The following SHROOM3 variants were observed in gnomAD, a reference collection of about 807,000 sequenced individuals.
SHROOM3 encodes the protein shroom family member 3.
In SHROOM3, 47 loss-of-function variants were observed where a neutral mutation model predicts 138.6. That is an observed-to-expected ratio of 0.34 (90% CI 0.27 to 0.43). SHROOM3 has a LOEUF of 0.43. Among genes scored for constraint, SHROOM3 ranks in the 20% least tolerant of loss-of-function variants. The probability of loss-of-function intolerance (pLI) is 1.00; values close to 1 mark genes in which losing one functional copy is unlikely to be tolerated. For missense variants in SHROOM3, 2,491 were observed against 2,596.5 expected (o/e 0.96, Z 0.88); for synonymous variants, 1,062 against 1,063.3 (o/e 1.00, Z 0.02).
intron 2 of SHROOM3, among the ~76,000 whole-genome samples, chr4:76,605,183 T>G (rs1446824952): frequency 6.6e-6 from 1 of 152,216 alleles, no homozygotes; most frequent in Non-Finnish European, 1.5e-5. Flanking sequence ...CAGCCCTATT[T>G]CATGATGACT....
intron 1 of SHROOM3, among the ~76,000 whole-genome samples, chr4:76,529,740 G>A (rs1188109102): frequency 1.3e-5 from 2 of 151,004 alleles, no homozygotes; most frequent in South Asian, 2.1e-4. Context: ...GAGCTACCCC[G>A]ACTTATTCTC....
At chr4:76,623,094 C>T (rs1010001048) in intron 2 of SHROOM3, among the ~76,000 whole-genome samples, 6 of 152,192 alleles carry the variant, frequency 3.9e-5, no homozygotes, top group African/African-American at 1.2e-4. Context: ...CTCCTTATAA[C>T]ACATTTCATG....
intron 2 of SHROOM3, among the ~76,000 whole-genome samples, chr4:76,578,061 A>T (rs1733975272): frequency 6.6e-6 from 1 of 152,194 alleles, no homozygotes; most frequent in African/African-American, 2.4e-5. Context: ...TAGATTCTAA[A>T]TTAAATAAGG....
chr4:76,510,267 G>T (rs1732307290), intron 1 of SHROOM3, among the ~76,000 whole-genome samples: 1 of 152,094 alleles, frequency 6.6e-6, no homozygotes, highest in African/African-American at 2.4e-5. Context: ...ATTAAAAAAG[G>T]CTGAAAGGAA....
At chr4:76,482,405 A>G (rs777512132) in intron 1 of SHROOM3, among the ~76,000 whole-genome samples, 11 of 152,184 alleles carry the variant, frequency 7.2e-5, no homozygotes, top group African/African-American at 1.2e-4. Context: ...CCCATTCACA[A>G]TTGCTACAAA....
intron 2 of SHROOM3, among the ~76,000 whole-genome samples, chr4:76,686,510 G>C (rs1024102090): frequency 6.6e-6 from 1 of 152,016 alleles, no homozygotes; most frequent in African/African-American, 2.4e-5. Flanking sequence ...TTTAAATTAA[G>C]ATGAAATAAT....
chr4:76,518,805 T>C (rs536887097), intron 1 of SHROOM3, among the ~76,000 whole-genome samples: 1 of 152,302 alleles, frequency 6.6e-6, no homozygotes, highest in East Asian at 1.9e-4. Context: ...AGGGCTGTAT[T>C]AAAATTCTTT....
intron 1 of SHROOM3, among the ~76,000 whole-genome samples, chr4:76,513,416 T>C (rs555099704): frequency 1.4e-4 from 21 of 152,136 alleles, no homozygotes; most frequent in African/African-American, 4.8e-4. Context: ...CAGGTTTAAG[T>C]GATTCTCATG....
At chr4:76,601,159 C>G (rs1302873249) in intron 2 of SHROOM3, among the ~76,000 whole-genome samples, 1 of 152,160 alleles carries the variant, frequency 6.6e-6, no homozygotes, top group Non-Finnish European at 1.5e-5. Flanking sequence ...AATTTGGTGA[C>G]AGTTAAAAAT....
intron 2 of SHROOM3, chr4:76,586,432 G>A (rs770391643): frequency 2.5e-5 from 25 of 985,480 alleles, no homozygotes; most frequent in Non-Finnish European, 2.9e-5. Flanking sequence ...ACAGATAACT[G>A]AGGACAATGG....
intron 1 of SHROOM3, among the ~76,000 whole-genome samples, chr4:76,551,530 G>T (rs1168899005): frequency 3.3e-5 from 5 of 152,190 alleles, no homozygotes; most frequent in African/African-American, 7.2e-5. Flanking sequence ...GACCACAGTA[G>T]TGGCTGTTCA....
intron 2 of SHROOM3, chr4:76,688,904 T>C: frequency 1.0e-6 from 1 of 984,264 alleles, no homozygotes; most frequent in South Asian, 4.7e-5. Flanking sequence ...TGCTGTGACT[T>C]ACACTGAGAA....
chr4:76,773,375 A>C (rs1282046046), intron 10 of SHROOM3, among the ~76,000 whole-genome samples: 1 of 112,592 alleles, frequency 8.9e-6, no homozygotes, highest in Non-Finnish European at 2.0e-5. Context: ...CTGTCTCAGA[A>C]AAAAAAAAAA....
intron 2 of SHROOM3, among the ~76,000 whole-genome samples, chr4:76,620,088 A>G (rs1734968434): frequency 6.6e-6 from 1 of 151,200 alleles, no homozygotes; most frequent in East Asian, 1.9e-4. Flanking sequence ...AAAAAAAAAA[A>G]AAAAAGAAGA....
At chr4:76,576,423 C>T (rs1733941822) in intron 2 of SHROOM3, among the ~76,000 whole-genome samples, 2 of 152,104 alleles carry the variant, frequency 1.3e-5, no homozygotes, top group Admixed American at 6.6e-5. Flanking sequence ...TGCATATTCT[C>T]ACTTGTTTGT....
At chr4:76,684,054 A>G (rs1021522072) in intron 2 of SHROOM3, among the ~76,000 whole-genome samples, 2 of 152,224 alleles carry the variant, frequency 1.3e-5, no homozygotes, top group Non-Finnish European at 2.9e-5. Flanking sequence ...TCACTAGATA[A>G]TGTGGACATC....
At chr4:76,637,113 C>T (rs552287472) in intron 2 of SHROOM3, among the ~76,000 whole-genome samples, 44 of 152,274 alleles carry the variant, frequency 2.9e-4, no homozygotes, top group African/African-American at 1.0e-3. Context: ...TAACTGAGGA[C>T]TTACTGTAAT....
At chr4:76,718,988 C>A (rs748441182) in intron 3 of SHROOM3, among the ~76,000 whole-genome samples, 1 of 152,150 alleles carries the variant, frequency 6.6e-6, no homozygotes, top group Non-Finnish European at 1.5e-5. Flanking sequence ...TAGCCTTCTC[C>A]GGGCACTCAG....
chr4:76,591,807 A>G (rs1308967555), intron 2 of SHROOM3, among the ~76,000 whole-genome samples: 1 of 152,184 alleles, frequency 6.6e-6, no homozygotes, highest in African/African-American at 2.4e-5. Context: ...ATTGCCTCCC[A>G]TATAAAATAT....
Sources: gnomAD v4.1 joint callset for allele counts (sites outside exome capture counted in the v4.1 genomes callset) on GRCh38, gnomAD v4.1.1 for gene constraint, MANE v1.5 for transcripts, NCBI Gene and HGNC (gene_info 2026-07-23, HGNC 2026-07-21) for gene names.